Variants in SPNS1 observed in about 807,000 individuals in gnomAD.
SPNS1 encodes the protein SPNS lysolipid transporter 1, lysophospholipid, also known as protein spinster homolog 1.
In SPNS1, 22 loss-of-function variants were observed where a neutral mutation model predicts 50.3. The observed-to-expected ratio is 0.44, with a 90% CI of 0.31 to 0.62. The LOEUF (loss-of-function observed/expected upper bound fraction) is 0.62, where lower values mean the gene tolerates loss of function less well. Among genes scored for constraint, SPNS1 ranks in the 20% least tolerant of loss-of-function variants. The probability of loss-of-function intolerance (pLI) is 0.07; values close to 1 mark genes in which losing one functional copy is unlikely to be tolerated. For missense variants in SPNS1, 576 were observed against 728.6 expected, an observed-to-expected ratio of 0.79 and a Z score of 2.41; for synonymous variants, 295 against 317.4, an observed-to-expected ratio of 0.93 and a Z score of 0.75.
chr16:28,979,127 G>A lies in SPNS1; in HGVS notation c.445-28G>A, dbSNP rs1337334422. 6.9e-6 allele frequency: 11 copies of A among 1,604,396 alleles called. No homozygotes were observed. The Admixed American group carries it at 1.3e-4, about 20-fold the overall frequency. On this transcript the variant is annotated intron_variant, in intron 3 of 11. Transcript: ENST00000311008. ...CCGGAGGCTGGTTGCAGGCTGGGGT[G>A]CCACCTCTCCCCGGTCTCTCTCCCC...
chr16:28,978,160 C>A, intron 3 of SPNS1, 116 bp downstream of exon 3: 1 of 1,411,956 alleles, frequency 7.1e-7, no homozygotes, highest in South Asian at 1.3e-5. Context: ...TTTCCCTGGT[C>A]CATGCCATTT....
intron 3 of SPNS1, 196 bp from the exon 4 acceptor site, chr16:28,978,959 G>A: frequency 1.5e-6 from 1 of 647,592 alleles, no homozygotes; most frequent in Non-Finnish European, 2.6e-6. Flanking sequence ...AGGAAACTGA[G>A]GCTCAGAGAG....
chr16:28,979,575 G>C, intron 5 of SPNS1, 104 bp downstream of exon 5: 1 of 1,241,320 alleles, frequency 8.1e-7, no homozygotes, highest in East Asian at 2.4e-5. Flanking sequence ...TTAAGAGACA[G>C]GGTCTTGTTG....
At position 28,982,461 on chromosome 16, in the gene SPNS1, G is replaced by C. The variant is rs780377313; in HGVS notation, c.1071G>C (p.Leu357=). The C allele has an allele frequency of 1.9e-6, 3 of 1,613,872 alleles. No individual in the cohort carries two copies. The Admixed American group carries it at 5.0e-5, about 27-fold the overall frequency. The change falls in exon 8 of 12, where the codon CTG becomes CTC. Residue 357 remains leucine, a synonymous_variant. Transcript: ENST00000311008. ...LRHSNPRADP[L]VCATGLLGSA... ...ACTCCAACCCCCGGGCTGATCCCCT[G>C]GTCTGTGCCACTGGCCTCCTGGGCT...
At chr16:28,979,599 G>A in intron 5 of SPNS1, 128 bp downstream of exon 5, 2 of 951,884 alleles carry the variant, frequency 2.1e-6, no homozygotes, top group Non-Finnish European at 1.6e-6. Flanking sequence ...CACCCAGGCT[G>A]CAGTGCAGTG....
chr16:28,974,883 T>C lies in SPNS1; in HGVS notation c.-269T>C. On this transcript the variant is annotated 5_prime_UTR_variant, in exon 1 of 12. Transcript: ENST00000311008. Reference sequence around the variant, plus strand: ...CCCCGGGTGAGGGGTGGCCTCCGCGTGGGATCGTGCCCTCTTCAGCCCGCT... The same window carrying C: ...CCCCGGGTGAGGGGTGGCCTCCGCGCGGGATCGTGCCCTCTTCAGCCCGCT... The C allele has an allele frequency of 6.5e-7, 1 of 1,534,304 alleles. No homozygotes were observed. The highest frequency in any genetic ancestry group is 2.4e-5 in the East Asian group (1 of 40,960).
In SPNS1 at chr16:28,975,537, G is replaced by T; in HGVS notation, c.287G>T (p.Ser96Ile). The T allele has an allele frequency of 6.2e-7, 1 of 1,614,232 alleles. No homozygotes were observed. Among genetic ancestry groups the T allele is most frequent in the Non-Finnish European group, 8.5e-7 (1 of 1,180,034 alleles). The part of the protein sequence containing the change: ...IEQFFNIGDS[S>I]SGLIQTVFIS... ...CAGTTCTTCAACATCGGGGACAGTA[G>T]CTCTGGGCTCATCCAGACCGGTGAG... The change falls in exon 2 of 12, where the codon AGC becomes ATC. Residue 96 changes from serine to isoleucine, a missense_variant. Physicochemically the swap from Ser to Ile is moderately radical, Grantham distance 142. This residue lies in a region of SPNS1 where 144 missense variants were observed against 181.2 expected (regional missense o/e 0.79). Coordinates refer to ENST00000311008, the MANE Select transcript of SPNS1 (RefSeq NM_032038.3).
chr16:28,976,133 A>G (rs920947631), intron 2 of SPNS1, among the ~76,000 whole-genome samples: 3 of 152,138 alleles, frequency 2.0e-5, no homozygotes, highest in African/African-American at 7.2e-5. Flanking sequence ...TTAGCCAGGC[A>G]TGGTAGCGAG....
At position 28,975,503 on chromosome 16, in the gene SPNS1, G is replaced by T; in HGVS notation, c.253G>T (p.Asp85Tyr). Reference protein sequence around the residue: ...DRFTVAGVLPDIEQFFNIGDS... With the variant: ...DRFTVAGVLPYIEQFFNIGDS... ...AATTTTCTCCTCAGGCGTCCTTCCCGACATCGAGCAGTTCTTCAACATCGG... is the reference window on the plus strand; with the variant it reads ...AATTTTCTCCTCAGGCGTCCTTCCCTACATCGAGCAGTTCTTCAACATCGG... Residue 85 changes from aspartate (D) to tyrosine (Y), a missense_variant, in exon 2 of 12, where the codon GAC (aspartate) becomes TAC (tyrosine). By Grantham distance (160) the Asp-to-Tyr change is radical (BLOSUM62 -3). Coordinates refer to ENST00000311008, the MANE Select transcript of SPNS1 (RefSeq NM_032038.3). 1 of 1,614,248 alleles carries T rather than the reference G, an allele frequency of 6.2e-7. No homozygotes were observed. The highest frequency in any genetic ancestry group is 8.5e-7 in the Non-Finnish European group (1 of 1,180,048).
intron 3 of SPNS1, among the ~76,000 whole-genome samples, chr16:28,978,295 C>A (rs1446942524): frequency 6.6e-6 from 1 of 152,104 alleles, no homozygotes; most frequent in African/African-American, 2.4e-5. Context: ...CCTAAACACT[C>A]CAAACCCTAC....
Position 28,982,250 on chromosome 16 carries a change from G to A in SPNS1, c.966-106G>A. On this transcript the variant is annotated intron_variant, in intron 7 of 11. Coordinates refer to ENST00000311008, the MANE Select transcript of SPNS1 (RefSeq NM_032038.3). ...CACTCAGGGCTGTGCCAACCATGGG[G>A]TGCTGTGTCTGTAGGGACCTTGGTT... The A allele has an allele frequency of 2.0e-5, 28 of 1,386,256 alleles. 2 individuals carry two copies. In the South Asian group the frequency reaches 3.6e-4, roughly 18 times the overall value. The allele number at this position is 1,386,256 out of a possible 1,614,324, so 85.9% of individuals were successfully genotyped here.
chr16:28,979,677 A>G, intron 5 of SPNS1: 1 of 593,762 alleles, frequency 1.7e-6, no homozygotes, highest in East Asian at 3.0e-5. Flanking sequence ...CAGCCTCCCA[A>G]GTAGCTGGGA....
intron 2 of SPNS1, 101 bp from the exon 3 acceptor site, chr16:28,977,807 A>G (rs2141665541): frequency 1.4e-6 from 2 of 1,470,870 alleles, no homozygotes; most frequent in Non-Finnish European, 9.3e-7. Flanking sequence ...GAATTCTGTA[A>G]GGAGAAGGCA....
Position 28,983,817 on chromosome 16 carries a change from C to G in SPNS1, c.1352C>G (p.Pro451Arg), listed in dbSNP as rs1022204233. Residue 451 changes from proline to arginine, a missense_variant, in exon 11 of 12, where the codon CCC (proline) becomes CGC (arginine). Coordinates refer to ENST00000311008, the MANE Select transcript of SPNS1 (RefSeq NM_032038.3). The surrounding 1 kb of genome is among the most constrained non-coding windows in gnomAD (Gnocchi z 5.4). ...GACCGCCTGCGCCGGAACTGGCCCC[C>G]CTCCTTCTTGTCCGAGTTCCGGGCT... is the stretch of plus-strand genomic sequence containing the variant. ...ISDRLRRNWPPSFLSEFRALQ... is the reference protein window; with the variant it reads ...ISDRLRRNWPRSFLSEFRALQ... The G allele has an allele frequency of 3.1e-6, 5 of 1,603,956 alleles. No homozygotes were observed. The highest frequency in any genetic ancestry group is 1.6e-4 in the Middle Eastern group (1 of 6,064).
In SPNS1 at chr16:28,975,378, G is replaced by A; in HGVS notation, c.227G>A (p.Arg76His). 1 of 1,609,906 alleles carries A rather than the reference G, an allele frequency of 6.2e-7. No homozygotes were observed. The highest frequency in any genetic ancestry group is 8.5e-7 in the Non-Finnish European group (1 of 1,177,182). Reference protein sequence around the residue: ...CYINLLNYMDRFTVAGVLPDI... With the variant: ...CYINLLNYMDHFTVAGVLPDI... ...ATCAATCTCCTGAACTACATGGACC[G>A]CTTCACCGTGGCTGGTAGGGACTCA... The change falls in exon 1 of 12, where the codon CGC (arginine) becomes CAC (histidine). Residue 76 changes from arginine to histidine, a missense_variant. Physicochemically the swap from Arg to His is conservative, Grantham distance 29. Around this residue, in one of 3 missense-constraint regions of SPNS1, gnomAD observed 144 missense variants for 181.2 expected, o/e 0.79. Coordinates refer to ENST00000311008, the MANE Select transcript of SPNS1 (RefSeq NM_032038.3).
chr16:28,982,281 G>T (rs1965579694), intron 7 of SPNS1, 75 bp from the exon 8 acceptor site: 1 of 1,486,630 alleles, frequency 6.7e-7, no homozygotes, highest in Non-Finnish European at 9.1e-7. Context: ...TGGTTGTGAG[G>T]GTGGCTAGGA....
Position 28,981,429 on chromosome 16 carries a change from T to C in SPNS1, c.664-41T>C, listed in dbSNP as rs1191203256. On this transcript the variant is annotated intron_variant, in intron 5 of 11. Transcript: ENST00000311008. The surrounding 1 kb of genome is among the most constrained non-coding windows in gnomAD (Gnocchi z 4.2). ...TCTCCTCCAGCCCAGGGCTTGAGTG[T>C]GTCTCTCCCTGTGCCTATCCTGAAG... is the stretch of plus-strand genomic sequence containing the variant. 2 of 1,612,264 alleles carry C rather than the reference T, an allele frequency of 1.2e-6. No homozygotes were observed. Among genetic ancestry groups the C allele is most frequent in the Non-Finnish European group, 1.7e-6 (2 of 1,178,944 alleles).
In SPNS1 at chr16:28,979,257, C is replaced by T; in HGVS notation, c.547C>T (p.Gln183Ter). The T allele has an allele frequency of 6.2e-7, 1 of 1,614,200 alleles. No homozygotes were observed. The highest frequency in any genetic ancestry group is 8.5e-7 in the Non-Finnish European group (1 of 1,180,038). The change falls in exon 4 of 12, where the codon CAG becomes TAG. Residue 183 changes from glutamine to a stop codon, truncating the protein, a stop_gained. Coordinates refer to ENST00000311008, the MANE Select transcript of SPNS1 (RefSeq NM_032038.3). LOFTEE classifies it high-confidence loss of function. ...TLIADLFVAD[Q>*]RSRMLSIFYF... ...CATTGCCGACCTCTTTGTGGCCGAC[C>T]AGCGGAGCCGGATGCTCAGCATCTT...
In SPNS1 at chr16:28,983,212, A is replaced by G. The variant is rs1192913602; in HGVS notation, c.1242A>G (p.Arg414=). 11 of 1,613,608 alleles carry G rather than the reference A, an allele frequency of 6.8e-6. No individual in the cohort carries two copies. The highest frequency in any genetic ancestry group is 1.1e-5 in the South Asian group (1 of 91,076). ...CACAGTACGTGGTGATCCCTACCCG[A>G]CGCTCCACCGCCGAGGCCTTCCAGA... The part of the protein sequence containing the change: ...DILLYVVIPT[R]RSTAEAFQIV... Residue 414 remains arginine, a synonymous_variant, in exon 10 of 12, where the codon CGA becomes CGG. Coordinates refer to ENST00000311008, the MANE Select transcript of SPNS1 (RefSeq NM_032038.3). The surrounding 1 kb of genome is among the most constrained non-coding windows in gnomAD (Gnocchi z 5.4).
Sources: gnomAD v4.1 joint callset for allele counts (sites outside exome capture counted in the v4.1 genomes callset) on GRCh38, gnomAD v4.1.1 for gene constraint, gnomAD v4.1.1 regional missense constraint, Gnocchi (gnomAD v3.1) non-coding constraint, MANE v1.5 for transcripts, NCBI Gene and HGNC (gene_info 2026-07-23, HGNC 2026-07-21) for gene names.